Variants in ARHGAP17 observed in about 807,000 individuals in gnomAD.
ARHGAP17 encodes the protein Rho GTPase activating protein 17.
ARHGAP17 carries 57 observed loss-of-function variants against 99.5 expected under a neutral mutation model. The ratio of observed to expected loss-of-function variants is 0.57; its 90% CI spans 0.46 to 0.71. The LOEUF (loss-of-function observed/expected upper bound fraction) is 0.71, where lower values mean the gene tolerates loss of function less well. Among genes scored for constraint, ARHGAP17 ranks in the 30% least tolerant of loss-of-function variants. ARHGAP17 has a pLI of 0.00. For synonymous variants in ARHGAP17, 417 were observed against 429.6 expected (o/e 0.97, Z 0.36); for missense variants, 1,000 against 1,122.4 (o/e 0.89, Z 1.56).
At chr16:24,985,726 A>T (rs186343968) in intron 1 of ARHGAP17, among the ~76,000 whole-genome samples, 1 of 152,322 alleles carries the variant, frequency 6.6e-6, no homozygotes, top group African/African-American at 2.4e-5. Flanking sequence ...ATGTTTCGGG[A>T]GGGCAGAGCA....
intron 1 of ARHGAP17, among the ~76,000 whole-genome samples, chr16:24,991,986 C>T (rs148661082): frequency 6.6e-6 from 1 of 152,156 alleles, no homozygotes; most frequent in Non-Finnish European, 1.5e-5. Flanking sequence ...GAGTGATTAA[C>T]TGTGTGGCCA....
At chr16:24,965,112 T>C (rs541158745) in intron 6 of ARHGAP17, among the ~76,000 whole-genome samples, 117 of 152,280 alleles carry the variant, frequency 7.7e-4, no homozygotes, top group Admixed American at 1.8e-3. Flanking sequence ...AAAATGGGTA[T>C]GTCTGGTGTT....
At chr16:24,992,953 C>G (rs1400266923) in intron 1 of ARHGAP17, among the ~76,000 whole-genome samples, 1 of 152,184 alleles carries the variant, frequency 6.6e-6, no homozygotes, top group Non-Finnish European at 1.5e-5. Flanking sequence ...GCATACACCA[C>G]CACACTCATC....
intron 13 of ARHGAP17, 139 bp from the exon 14 acceptor site, chr16:24,947,734 A>C (rs1056869401): frequency 4.6e-6 from 3 of 647,336 alleles, no homozygotes; most frequent in African/African-American, 1.8e-5. Flanking sequence ...GCTCAGGTGA[A>C]GCATTTTATA....
intron 18 of ARHGAP17, among the ~76,000 whole-genome samples, chr16:24,931,989 C>T (rs147726413): frequency 6.6e-6 from 1 of 151,986 alleles, no homozygotes; most frequent in Non-Finnish European, 1.5e-5. Context: ...TGGTGGCATG[C>T]GCCTGTAATC....
At position 24,977,308 on chromosome 16, in the gene ARHGAP17, G is replaced by A. The variant is rs936569005; in HGVS notation, c.105C>T (p.Arg35=). The change falls in exon 3 of 20, where the codon CGC becomes CGT. Residue 35 remains arginine, a synonymous_variant. Transcript: ENST00000289968. The part of the protein sequence containing the change: ...LSEDLLQIER[R]LDTVRSICHH... ...GGCATATTGACCGCACCGTGTCCAG[G>A]CGTCTCTCAATCTGACAAGGCAGAG... 1 of 1,584,436 alleles carries A rather than the reference G, an allele frequency of 6.3e-7. No individual in the cohort carries two copies. Among genetic ancestry groups the A allele is most frequent in the Non-Finnish European group, 8.6e-7 (1 of 1,159,052 alleles).
intron 1 of ARHGAP17, among the ~76,000 whole-genome samples, chr16:25,003,593 G>A (rs960421180): frequency 6.6e-6 from 1 of 152,164 alleles, no homozygotes. Flanking sequence ...GGAGGCCGAG[G>A]AGGGCTGATT....
chr16:24,994,204 C>T (rs1272609490), intron 1 of ARHGAP17, among the ~76,000 whole-genome samples: 1 of 152,180 alleles, frequency 6.6e-6, no homozygotes. Context: ...TAAATCTCCA[C>T]TTGCCCTTTT....
intron 10 of ARHGAP17, 109 bp downstream of exon 10, chr16:24,954,492 ATG>A: frequency 7.0e-7 from 1 of 1,426,224 alleles, no homozygotes; most frequent in Non-Finnish European, 9.4e-7. Context: ...AAAACGGACA[ATG>A]GCTGTATAAC....
chr16:24,925,320 C>T (rs1423505493), intron 19 of ARHGAP17, among the ~76,000 whole-genome samples: 1 of 152,034 alleles, frequency 6.6e-6, no homozygotes, highest in East Asian at 1.9e-4. Flanking sequence ...CAGGGGTTGC[C>T]GTGTGCCAAG....
At chr16:24,983,298 C>G (rs937650040) in intron 1 of ARHGAP17, among the ~76,000 whole-genome samples, 8 of 150,756 alleles carry the variant, frequency 5.3e-5, no homozygotes, top group African/African-American at 1.5e-4. Flanking sequence ...AGCCACCGTA[C>G]GCGGCCAGAT....
intron 1 of ARHGAP17, among the ~76,000 whole-genome samples, chr16:24,997,103 C>T (rs1682991317): frequency 6.6e-6 from 1 of 152,226 alleles, no homozygotes; most frequent in African/African-American, 2.4e-5. Flanking sequence ...AGTACACATC[C>T]AGATGCATAT....
At chr16:25,008,998 T>C (rs932588739) in intron 1 of ARHGAP17, among the ~76,000 whole-genome samples, 3 of 152,232 alleles carry the variant, frequency 2.0e-5, no homozygotes, top group Non-Finnish European at 4.4e-5. Flanking sequence ...GAGAGGTTGA[T>C]GGAATCCACT....
At chr16:25,009,348 C>G (rs1156320078) in intron 1 of ARHGAP17, among the ~76,000 whole-genome samples, 3 of 134,796 alleles carry the variant, frequency 2.2e-5, no homozygotes, top group Non-Finnish European at 4.6e-5. Context: ...GTCTGGGCGG[C>G]AGAGCGAGAC....
intron 1 of ARHGAP17, among the ~76,000 whole-genome samples, chr16:24,987,454 ATTC>A (rs2141408264): frequency 6.6e-6 from 1 of 152,254 alleles, no homozygotes; most frequent in East Asian, 1.9e-4. Context: ...CCAAATCCAA[ATTC>A]TTCTTACTCA....
chr16:24,996,788 T>C (rs1286781246), intron 1 of ARHGAP17, among the ~76,000 whole-genome samples: 2 of 152,008 alleles, frequency 1.3e-5, no homozygotes, highest in African/African-American at 2.4e-5. Context: ...TGCTGATTCC[T>C]AGAAAGCTCA....
chr16:24,982,983 T>TATACACAC (rs1218177565), intron 1 of ARHGAP17, among the ~76,000 whole-genome samples: 2 of 15,004 alleles, frequency 1.3e-4, no homozygotes, highest in Admixed American at 1.2e-3. Context: ...TATATATATA[T>TATACACAC]ATATATATAT....
chr16:24,952,865 G>A (rs971259482), intron 11 of ARHGAP17, 66 bp downstream of exon 11: 2 of 1,466,668 alleles, frequency 1.4e-6, no homozygotes, highest in Non-Finnish European at 1.9e-6. Context: ...CTGACCATCT[G>A]TCTGAGACAG....
rs577966473 is a variant in ARHGAP17 at position 24,951,102 on chromosome 16, A to G, written c.1046+1187T>C. Among the ~76,000 whole-genome samples, 11 of 152,262 alleles carry G rather than the reference A, an allele frequency of 7.2e-5. No homozygotes were observed. The East Asian group carries it at 1.7e-3, about 24-fold the overall frequency. ...CAGCGCCATGAGAAAAAAGACGAGGAGGTGGGCTGGCCAGCCAAGCAGAAG... is the reference window on the plus strand; with the variant it reads ...CAGCGCCATGAGAAAAAAGACGAGGGGGTGGGCTGGCCAGCCAAGCAGAAG... On this transcript the variant is annotated intron_variant, in intron 12 of 19. Coordinates refer to ENST00000289968, the MANE Select transcript of ARHGAP17 (RefSeq NM_001006634.3).
Sources: gnomAD v4.1 joint callset for allele counts (sites outside exome capture counted in the v4.1 genomes callset) on GRCh38, gnomAD v4.1.1 for gene constraint, MANE v1.5 for transcripts, NCBI Gene and HGNC (gene_info 2026-07-23, HGNC 2026-07-21) for gene names.